The following BLM variants were observed in gnomAD, a reference collection of about 807,000 sequenced individuals.
BLM encodes the protein BLM RecQ like helicase.
A neutral mutation model predicts 135.3 loss-of-function variants in BLM; 95 were observed. The ratio of observed to expected loss-of-function variants is 0.70; its 90% CI spans 0.59 to 0.83. BLM has a LOEUF of 0.83. Among genes scored for constraint, BLM ranks in the 40% least tolerant of loss-of-function variants. BLM has a pLI of 0.00. For synonymous variants in BLM, 520 were observed against 589.2 expected (o/e 0.88, Z 1.70); for missense variants, 1,518 against 1,663.9 (o/e 0.91, Z 1.53).
At chr15:90,812,866 T>C (rs558084723) in intron 21 of BLM, among the ~76,000 whole-genome samples, 1 of 152,322 alleles carries the variant, frequency 6.6e-6, no homozygotes, top group East Asian at 1.9e-4. Flanking sequence ...AACGTTAGTT[T>C]AATTTTGTGG....
In BLM at chr15:90,751,802, A is replaced by G. The variant is rs2151149524; in HGVS notation, c.815A>G (p.Lys272Arg). Residue 272 changes from lysine (K) to arginine (R), a missense_variant, in exon 4 of 22, where the codon AAG (lysine) becomes AGG (arginine). Transcript: ENST00000355112. The part of the protein sequence containing the change: ...LEDERDNSEK[K>R]KNLEEAELHS... ...TTTACTGTAGATAATAGCGAAAAGA[A>G]GAAGAATTTGGAAGAAGCTGAATTA... The G allele has an allele frequency of 6.2e-7, 1 of 1,612,432 alleles. No individual in the cohort carries two copies. Among genetic ancestry groups the G allele is most frequent in the South Asian group, 1.1e-5 (1 of 91,040 alleles).
At chr15:90,757,605 G>A (rs891265003) in intron 5 of BLM, among the ~76,000 whole-genome samples, 1 of 152,058 alleles carries the variant, frequency 6.6e-6, no homozygotes, top group Non-Finnish European at 1.5e-5. Context: ...TTCTTGTGCA[G>A]ATGCCCCTCC....
At chr15:90,736,554 C>T (rs887023365) in intron 1 of BLM, among the ~76,000 whole-genome samples, 5 of 152,272 alleles carry the variant, frequency 3.3e-5, no homozygotes, top group South Asian at 2.1e-4. Flanking sequence ...CCACCGTGCC[C>T]GGCCTTACGT....
intron 19 of BLM, among the ~76,000 whole-genome samples, chr15:90,805,383 G>C (rs1208572095): frequency 6.6e-6 from 1 of 151,064 alleles, no homozygotes; most frequent in Admixed American, 6.6e-5. Flanking sequence ...AGGCAGGAAA[G>C]TAGCCTGAAC....
At chr15:90,761,882 A>C (rs1464917304) in intron 7 of BLM, among the ~76,000 whole-genome samples, 1 of 152,176 alleles carries the variant, frequency 6.6e-6, no homozygotes, top group East Asian at 1.9e-4. Context: ...TTTTGAGAGG[A>C]ATGAAATTAG....
chr15:90,763,778 C>G (rs751472431), intron 8 of BLM, among the ~76,000 whole-genome samples: 10 of 152,176 alleles, frequency 6.6e-5, no homozygotes, highest in African/African-American at 9.7e-5. Context: ...ATTCATTGTG[C>G]TGTTAAAGCT....
intron 12 of BLM, among the ~76,000 whole-genome samples, chr15:90,782,434 TG>T (rs1896639083): frequency 6.6e-6 from 1 of 152,128 alleles, no homozygotes; most frequent in Non-Finnish European, 1.5e-5. Flanking sequence ...GATATTAGCT[TG>T]GGCTGCTATG....
rs760946400 is a variant in BLM, at chr15:90,733,864, C to G, written c.-4-13525C>G. Reference sequence around the variant, plus strand: ...GTAGAATAATTAGCATGTTCTAGGACTTTTAATAAATGTTATAATACAGTG... The same window carrying G: ...GTAGAATAATTAGCATGTTCTAGGAGTTTTAATAAATGTTATAATACAGTG... On this transcript the variant is annotated intron_variant, in intron 1 of 21. Transcript: ENST00000355112. 3.4e-4 allele frequency among the ~76,000 whole-genome samples: 52 copies of G among 152,240 alleles called. No homozygotes were observed. The Middle Eastern group carries it at 0.017, about 50-fold the overall frequency.
chr15:90,809,864 A>C (rs1897367487), intron 20 of BLM, among the ~76,000 whole-genome samples: 1 of 152,088 alleles, frequency 6.6e-6, no homozygotes, highest in Non-Finnish European at 1.5e-5. Flanking sequence ...ACCTGGGGGA[A>C]ATGAGAACAA....
rs1413259230 is a variant in BLM at position 90,804,114 on chromosome 15, TG to T, written c.3559-50del. On this transcript the variant is annotated intron_variant, in intron 18 of 21. Transcript: ENST00000355112. ...TTAAGCATTAAATAAAGCCCCTGTA[TG>T]GGTACAAGTGCACATATACCCACTC... 7 of 1,520,368 alleles carry T rather than the reference TG, an allele frequency of 4.6e-6. No homozygotes were observed. In the East Asian group the frequency reaches 9.1e-5, roughly 20 times the overall value. 94.2% of individuals were successfully genotyped at this position (1,520,368 alleles called of 1,614,324 possible).
intron 19 of BLM, among the ~76,000 whole-genome samples, chr15:90,805,820 C>T (rs1003609843): frequency 6.6e-6 from 1 of 151,772 alleles, no homozygotes; most frequent in Non-Finnish European, 1.5e-5. Context: ...CATGAGCCAC[C>T]GCATCCGGCC....
intron 16 of BLM, among the ~76,000 whole-genome samples, chr15:90,797,538 C>G (rs533552148): frequency 5.9e-5 from 9 of 151,384 alleles, no homozygotes; most frequent in Admixed American, 3.3e-4. Context: ...AGACCAGAAA[C>G]CTGTTCATCT....
chr15:90,809,234 G>C lies in BLM; in HGVS notation c.3849G>C (p.Gln1283His), dbSNP rs140524886. Residue 1283 changes from glutamine to histidine, a missense_variant, in exon 20 of 22, where the codon CAG (glutamine) becomes CAC (histidine). Transcript: ENST00000355112. ...GTGCGGAAGTGATTTCAGTATTACAGAAATACTCTGAATGGACATCGCCAG... is the reference window on the plus strand; with the variant it reads ...GTGCGGAAGTGATTTCAGTATTACACAAATACTCTGAATGGACATCGCCAG... ...KYGAEVISVL[Q>H]KYSEWTSPAE... 5.6e-6 allele frequency: 9 copies of C among 1,614,216 alleles called. No homozygotes were observed. The South Asian group carries it at 9.9e-5, about 18-fold the overall frequency.
chr15:90,725,353 G>A (rs947297571), intron 1 of BLM, among the ~76,000 whole-genome samples: 4 of 152,072 alleles, frequency 2.6e-5, no homozygotes, highest in African/African-American at 4.8e-5. Context: ...CTGCATGCTG[G>A]CTAATACTTT....
At chr15:90,782,686 T>G in intron 12 of BLM, 136 bp from the exon 13 acceptor site, 1 of 669,542 alleles carries the variant, frequency 1.5e-6, no homozygotes, top group East Asian at 2.7e-5. Flanking sequence ...ATGACCTAAT[T>G]ATCTCCCGGA....
chr15:90,798,346 T>C lies in BLM; in HGVS notation c.3358+9T>C, dbSNP rs1555423800. 2 of 1,612,386 alleles carry C rather than the reference T, an allele frequency of 1.2e-6. No individual in the cohort carries two copies. The highest frequency in any genetic ancestry group is 4.5e-5 in the East Asian group (2 of 44,726). ...GGTCGACATTTTCTTGGGTAAGTCA[T>C]CTGTTTTGAATGTTTGAGTTACTTC... On this transcript the variant is annotated intron_variant, in intron 17 of 21. Transcript: ENST00000355112.
intron 14 of BLM, among the ~76,000 whole-genome samples, chr15:90,786,055 G>A (rs1336713339): frequency 1.4e-5 from 2 of 140,252 alleles, no homozygotes; most frequent in East Asian, 4.3e-4. Context: ...TCAGGCTAGA[G>A]TGCAATGGCA....
intron 9 of BLM, 46 bp from the exon 10 acceptor site, chr15:90,766,848 ACAAATGTAATTTTGTC>A: frequency 9.4e-7 from 1 of 1,063,820 alleles, no homozygotes; most frequent in South Asian, 1.4e-5. Context: ...AAACCTAAGG[ACAAATGTAATTTTGTC>A]AGGTTAATGT....
chr15:90,740,360 C>G (rs1157831969), intron 1 of BLM, among the ~76,000 whole-genome samples: 1 of 152,154 alleles, frequency 6.6e-6, no homozygotes, highest in Non-Finnish European at 1.5e-5. Flanking sequence ...TGGATTCTTT[C>G]ACTTAACATA....
Sources: allele counts gnomAD v4.1 joint callset (sites outside exome capture counted in the v4.1 genomes callset), GRCh38; gene constraint gnomAD v4.1.1; transcripts MANE v1.5; gene names NCBI Gene and HGNC (gene_info 2026-07-23, HGNC 2026-07-21).